CLEC16A: variants seen among roughly 807,000 people sequenced by gnomAD.
CLEC16A encodes protein CLEC16A.
CLEC16A carries 51 observed loss-of-function variants against 109.5 expected under a neutral mutation model. The ratio of observed to expected loss-of-function variants is 0.47; its 90% CI spans 0.37 to 0.59. CLEC16A has a LOEUF of 0.59. Ranked by LOEUF, CLEC16A falls within the 20% of genes least tolerant of loss-of-function variation. CLEC16A has a pLI of 0.00. For synonymous variants in CLEC16A, 673 were observed against 564.2 expected, an observed-to-expected ratio of 1.19 and a Z score of -2.73; for missense variants, 1,339 against 1,394.0, an observed-to-expected ratio of 0.96 and a Z score of 0.63.
At chr16:11,108,328 G>C (rs970988569) in intron 19 of CLEC16A, among the ~76,000 whole-genome samples, 1 of 152,262 alleles carries the variant, frequency 6.6e-6, no homozygotes, top group African/African-American at 2.4e-5. Context: ...TCTCCTGCTC[G>C]AAGGGGCCAC....
At chr16:11,029,156 A>T (rs370747724) in intron 13 of CLEC16A, among the ~76,000 whole-genome samples, 1 of 152,080 alleles carries the variant, frequency 6.6e-6, no homozygotes, top group African/African-American at 2.4e-5. Context: ...GCTCTGTGAG[A>T]GCTGGTCCAG....
At chr16:11,106,456 A>ATTTTT (rs538713695) in intron 19 of CLEC16A, among the ~76,000 whole-genome samples, 4 of 133,532 alleles carry the variant, frequency 3.0e-5, no homozygotes, top group Non-Finnish European at 4.8e-5. Context: ...ACCCAGCCCA[A>ATTTTT]TTTTTTTTTT....
chr16:11,115,182 C>G (rs933365587), intron 19 of CLEC16A, among the ~76,000 whole-genome samples: 1 of 152,090 alleles, frequency 6.6e-6, no homozygotes, highest in Non-Finnish European at 1.5e-5. Context: ...ATCAAACTCT[C>G]AGATGAACTT....
At chr16:10,977,145 C>G in intron 7 of CLEC16A, 80 bp from the exon 8 acceptor site, 1 of 1,329,052 alleles carries the variant, frequency 7.5e-7, no homozygotes, top group Non-Finnish European at 1.1e-6. Flanking sequence ...TCACAGTGAC[C>G]TAAGTCTCAG....
chr16:10,968,933 G>T (rs1337900692), intron 3 of CLEC16A, among the ~76,000 whole-genome samples: 2 of 152,076 alleles, frequency 1.3e-5, no homozygotes, highest in Admixed American at 1.3e-4. Flanking sequence ...TGGTGTGGGA[G>T]GGCGGGGAAG....
intron 22 of CLEC16A, among the ~76,000 whole-genome samples, chr16:11,152,712 T>C (rs2054340585): frequency 6.6e-6 from 1 of 152,214 alleles, no homozygotes; most frequent in South Asian, 2.1e-4. Flanking sequence ...GGCACCACTG[T>C]GGTCCCAAAT....
At chr16:11,003,463 C>G (rs1013300143) in intron 11 of CLEC16A, among the ~76,000 whole-genome samples, 158 bp downstream of exon 11, 2 of 152,162 alleles carry the variant, frequency 1.3e-5, no homozygotes, top group African/African-American at 4.8e-5. Context: ...TTCTATACAG[C>G]CCTGCCACTC....
chr16:10,959,807 C>CTTG (rs1483724933), intron 2 of CLEC16A, among the ~76,000 whole-genome samples: 1 of 150,592 alleles, frequency 6.6e-6, no homozygotes, highest in Non-Finnish European at 1.5e-5. Context: ...GAGACAGGGT[C>CTTG]TTGCTGTGTT....
rs2052337428 is a variant in CLEC16A, at chr16:11,120,662, A to G, written c.2164A>G (p.Met722Val). Residue 722 changes from methionine (M) to valine (V), a missense_variant, in exon 20 of 24, where the codon ATG becomes GTG. Physicochemically the swap from Met to Val is conservative, Grantham distance 21. This residue lies in a region of CLEC16A where 1,061 missense variants were observed against 1,006.8 expected (regional missense o/e 1.05). Transcript: ENST00000409790. Reference sequence around the variant, plus strand: ...TACAGTGATCACCAAGGATGGCGGCATGGTCCAGCGATTCCTGGCTGTGGA... The same window carrying G: ...TACAGTGATCACCAAGGATGGCGGCGTGGTCCAGCGATTCCTGGCTGTGGA... ...ACTVITKDGG[M>V]VQRFLAVDIY... The G allele has an allele frequency of 1.2e-6, 2 of 1,613,264 alleles. No individual in the cohort carries two copies. Among genetic ancestry groups the G allele is most frequent in the Non-Finnish European group, 1.7e-6 (2 of 1,179,582 alleles).
chr16:11,161,536 A>G (rs774744933), intron 22 of CLEC16A, among the ~76,000 whole-genome samples: 4 of 151,234 alleles, frequency 2.6e-5, no homozygotes, highest in Non-Finnish European at 5.9e-5. Flanking sequence ...CCCCACTCCT[A>G]TGCACACCCA....
At chr16:11,152,234 G>A (rs2054319584) in intron 22 of CLEC16A, among the ~76,000 whole-genome samples, 1 of 152,206 alleles carries the variant, frequency 6.6e-6, no homozygotes, top group African/African-American at 2.4e-5. Flanking sequence ...GGTCATCTGG[G>A]ACAATTTCAC....
chr16:10,994,561 G>A (rs2044221587), intron 10 of CLEC16A, among the ~76,000 whole-genome samples: 1 of 152,158 alleles, frequency 6.6e-6, no homozygotes. Context: ...AGGTAAAAAT[G>A]TGAAAAGATG....
intron 19 of CLEC16A, among the ~76,000 whole-genome samples, chr16:11,066,275 A>C (rs1353299943): frequency 6.6e-6 from 1 of 152,190 alleles, no homozygotes; most frequent in Non-Finnish European, 1.5e-5. Flanking sequence ...ACCAGGGGTC[A>C]GTGCTAGTGG....
intron 6 of CLEC16A, 69 bp downstream of exon 6, chr16:10,972,628 T>C: frequency 2.1e-6 from 3 of 1,422,508 alleles, no homozygotes; most frequent in South Asian, 1.2e-5. Flanking sequence ...TGCTTGAGAA[T>C]GGTGTAATTC....
intron 11 of CLEC16A, among the ~76,000 whole-genome samples, chr16:11,014,896 G>C (rs978720915): frequency 6.6e-5 from 10 of 152,180 alleles, no homozygotes; most frequent in African/African-American, 2.4e-4. Context: ...GAGGTTCCCT[G>C]TGACCCTGAT....
At chr16:11,042,898 C>A (rs1027947774) in intron 15 of CLEC16A, among the ~76,000 whole-genome samples, 1 of 148,486 alleles carries the variant, frequency 6.7e-6, no homozygotes, top group Non-Finnish European at 1.5e-5. Flanking sequence ...GTATTATAAG[C>A]AAATAATTAT....
At chr16:11,143,909 T>C (rs1358761471) in intron 22 of CLEC16A, among the ~76,000 whole-genome samples, 1 of 152,238 alleles carries the variant, frequency 6.6e-6, no homozygotes, top group Non-Finnish European at 1.5e-5. Flanking sequence ...GGCCTGACCC[T>C]GGCCTCCTGC....
chr16:11,121,446 T>C (rs899682704), intron 20 of CLEC16A, among the ~76,000 whole-genome samples: 3 of 152,350 alleles, frequency 2.0e-5, no homozygotes, highest in Admixed American at 6.5e-5. Flanking sequence ...AATACCACTC[T>C]AAAATGATTG....
At position 11,126,035 on chromosome 16, in the gene CLEC16A, T is replaced by C; in HGVS notation, c.2530T>C (p.Ser844Pro). ...TGAAGTCCTGGGGTTTGGACTCGGC[T>C]CCTCCACCTCCACTCAGCACCTGCC... The part of the protein sequence containing the change: ...TTEVLGFGLG[S>P]STSTQHLPFR... The change falls in exon 22 of 24, where the codon TCC becomes CCC. Residue 844 changes from serine to proline, a missense_variant. This residue lies in a region of CLEC16A where 1,061 missense variants were observed against 1,006.8 expected (regional missense o/e 1.05). Transcript: ENST00000409790. The C allele has an allele frequency of 1.2e-6, 2 of 1,613,446 alleles. No homozygotes were observed. The highest frequency in any genetic ancestry group is 1.7e-6 in the Non-Finnish European group (2 of 1,179,790).
Sources: allele counts gnomAD v4.1 joint callset (sites outside exome capture counted in the v4.1 genomes callset), GRCh38; gene constraint gnomAD v4.1.1; regional missense constraint gnomAD v4.1.1; transcripts MANE v1.5; gene names NCBI Gene and HGNC (gene_info 2026-07-23, HGNC 2026-07-21).